CLEC16A: variants seen among roughly 807,000 people sequenced by gnomAD.
CLEC16A encodes C-type lectin domain containing 16A.
Under a neutral mutation model 109.5 loss-of-function variants are expected in CLEC16A, and 51 were observed. That is an observed-to-expected ratio of 0.47 (90% confidence interval 0.37 to 0.59). The LOEUF (loss-of-function observed/expected upper bound fraction) is 0.59, where lower values mean the gene tolerates loss of function less well. Ranked by LOEUF, CLEC16A falls within the 20% of genes least tolerant of loss-of-function variation. The pLI, the probability that CLEC16A is intolerant of heterozygous loss-of-function variation, is 0.00. For synonymous variants in CLEC16A, 673 were observed against 564.2 expected, an observed-to-expected ratio of 1.19 and a Z score of -2.73; for missense variants, 1,339 against 1,394.0, an observed-to-expected ratio of 0.96 and a Z score of 0.63.
intron 3 of CLEC16A, among the ~76,000 whole-genome samples, chr16:10,963,453 GTTC>G (rs1425224699): frequency 6.6e-6 from 1 of 152,210 alleles, no homozygotes; most frequent in Non-Finnish European, 1.5e-5. Context: ...GGTGTTTGCA[GTTC>G]TTCTTTATGA....
At chr16:11,150,459 C>G (rs925779465) in intron 22 of CLEC16A, 6 of 152,298 alleles carry the variant, frequency 3.9e-5, no homozygotes, top group African/African-American at 1.4e-4. Context: ...GTGATTCAGT[C>G]ATCCTAGTCT....
chr16:11,136,192 T>A (rs540906636), intron 22 of CLEC16A: 5 of 152,272 alleles, frequency 3.3e-5, no homozygotes, highest in Admixed American at 2.6e-4. Context: ...CTTGACCCAT[T>A]TGGTTCACCT....
At position 10,994,895 on chromosome 16, in the gene CLEC16A, G is replaced by A. The variant is rs182906628; in HGVS notation, c.1072-8179G>A. Reference sequence around the variant, plus strand: ...CCGGGAGGCTGGCCCAACGTTGGGAGGTGCAGCAAATGCATATGGAAGGGA... The same window carrying A: ...CCGGGAGGCTGGCCCAACGTTGGGAAGTGCAGCAAATGCATATGGAAGGGA... On this transcript the variant is annotated intron_variant, in intron 10 of 23. Coordinates refer to ENST00000409790, the MANE Select transcript of CLEC16A (RefSeq NM_015226.3). Among the ~76,000 whole-genome samples, 658 of 152,336 alleles carry A rather than the reference G, an allele frequency of 4.3e-3. 7 individuals are homozygous for A. Among genetic ancestry groups the A allele is most frequent in the African/African-American group, 0.015 (632 of 41,570 alleles).
At chr16:11,175,043 C>G (rs78533461) in intron 23 of CLEC16A, among the ~76,000 whole-genome samples, 1 of 152,358 alleles carries the variant, frequency 6.6e-6, no homozygotes, top group Non-Finnish European at 1.5e-5. Flanking sequence ...CCTATTTTCT[C>G]TGAGCTTTGC....
At chr16:10,964,222 G>A (rs1033814502) in intron 3 of CLEC16A, among the ~76,000 whole-genome samples, 1 of 152,248 alleles carries the variant, frequency 6.6e-6, no homozygotes, top group African/African-American at 2.4e-5. Flanking sequence ...CCTCAGAGAC[G>A]CCTTATGCTT....
intron 9 of CLEC16A, among the ~76,000 whole-genome samples, chr16:10,982,142 C>T (rs1462615732): frequency 2.0e-5 from 3 of 152,228 alleles, no homozygotes; most frequent in Non-Finnish European, 4.4e-5. Flanking sequence ...AACAAAATAG[C>T]AGGCATGTCT....
intron 14 of CLEC16A, 81 bp from the exon 15 acceptor site, chr16:11,042,173 C>T: frequency 9.6e-7 from 1 of 1,047,062 alleles, no homozygotes; most frequent in Non-Finnish European, 1.4e-6. Context: ...ACCTGCTAGC[C>T]TCAACGTGGA....
At chr16:11,167,362 T>G (rs1427346649) in intron 23 of CLEC16A, among the ~76,000 whole-genome samples, 1 of 152,170 alleles carries the variant, frequency 6.6e-6, no homozygotes, top group Non-Finnish European at 1.5e-5. Context: ...CTGGAGATCC[T>G]TAGTATCCTT....
chr16:11,138,385 C>G (rs2053667873), intron 22 of CLEC16A, among the ~76,000 whole-genome samples: 1 of 152,228 alleles, frequency 6.6e-6, no homozygotes, highest in Admixed American at 6.5e-5. Flanking sequence ...GCTTTGTGAG[C>G]TTGCCCCATG....
At chr16:10,994,361 A>G (rs550397274) in intron 10 of CLEC16A, among the ~76,000 whole-genome samples, 197 of 152,232 alleles carry the variant, frequency 1.3e-3, no homozygotes, top group African/African-American at 4.1e-3. Context: ...GCATATGTCT[A>G]TACATCACCC....
intron 19 of CLEC16A, among the ~76,000 whole-genome samples, chr16:11,070,335 G>T (rs1473090203): frequency 1.3e-5 from 2 of 150,950 alleles, no homozygotes; most frequent in Non-Finnish European, 2.9e-5. Context: ...CTCCCAAAGT[G>T]TTGAGATTAC....
At chr16:10,980,936 G>A (rs1026381093) in intron 9 of CLEC16A, among the ~76,000 whole-genome samples, 11 of 152,154 alleles carry the variant, frequency 7.2e-5, no homozygotes, top group Non-Finnish European at 1.3e-4. Context: ...AATTTTTATG[G>A]ATGACGTTAA....
Position 10,961,513 on chromosome 16 carries a change from C to T in CLEC16A, c.210-942C>T, listed in dbSNP as rs1418877515. Among the ~76,000 whole-genome samples, 1 of 152,222 alleles carries T rather than the reference C, an allele frequency of 6.6e-6. No homozygotes were observed. Among genetic ancestry groups the T allele is most frequent in the East Asian group, 1.9e-4 (1 of 5,200 alleles). On this transcript the variant is annotated intron_variant, in intron 2 of 23. Transcript: ENST00000409790. This position sits in a 1 kb window ranked among gnomAD's most constrained non-coding sequence, Gnocchi z 4.3. The stretch of plus-strand genomic sequence containing the variant: ...AACACATAACTAGAAACGTCATTCT[C>T]TTCCTTTAGAGAAAGGCACTGGATG...
At chr16:11,146,414 TG>T (rs2054058615) in intron 22 of CLEC16A, among the ~76,000 whole-genome samples, 1 of 151,582 alleles carries the variant, frequency 6.6e-6, no homozygotes, top group Non-Finnish European at 1.5e-5. Context: ...GATCGATGGA[TG>T]GATATTTGGA....
intron 17 of CLEC16A, among the ~76,000 whole-genome samples, chr16:11,049,288 G>A (rs529435032): frequency 3.5e-4 from 54 of 152,182 alleles, no homozygotes; most frequent in Admixed American, 2.2e-3. Context: ...TTACAGGCGT[G>A]AGCCACCGCA....
At chr16:10,958,027 A>G (rs1287084950) in intron 2 of CLEC16A, 117 bp downstream of exon 2, 4 of 1,021,982 alleles carry the variant, frequency 3.9e-6, no homozygotes, top group East Asian at 2.4e-5. Flanking sequence ...GATCTTGCCT[A>G]GATATCTATC....
intron 5 of CLEC16A, 132 bp from the exon 6 acceptor site, chr16:10,972,422 C>T (rs2042836302): frequency 1.3e-6 from 1 of 746,874 alleles, no homozygotes; most frequent in Admixed American, 2.2e-5. Flanking sequence ...CCTTATCTCT[C>T]TGTGCAGATG....
At chr16:11,106,842 C>T (rs2051252739) in intron 19 of CLEC16A, among the ~76,000 whole-genome samples, 2 of 152,188 alleles carry the variant, frequency 1.3e-5, no homozygotes, top group African/African-American at 4.8e-5. Context: ...AGCAAAGTCA[C>T]ATGCCCAGGG....
intron 13 of CLEC16A, 115 bp from the exon 14 acceptor site, chr16:11,039,639 C>A: frequency 4.2e-6 from 5 of 1,200,540 alleles, no homozygotes; most frequent in Non-Finnish European, 1.1e-6. Context: ...AAAGAAATCA[C>A]CAAGAGGGAA....
Sources: gnomAD v4.1 joint callset for allele counts (sites outside exome capture counted in the v4.1 genomes callset) on GRCh38, gnomAD v4.1.1 for gene constraint, Gnocchi (gnomAD v3.1) non-coding constraint, MANE v1.5 for transcripts, NCBI Gene and HGNC (gene_info 2026-07-23, HGNC 2026-07-21) for gene names.